The following RTCB variants were observed in gnomAD, a reference collection of about 807,000 sequenced individuals.
RTCB encodes RNA 2',3'-cyclic phosphate and 5'-OH ligase.
RTCB carries 32 observed loss-of-function variants against 58.2 expected under a neutral mutation model. The ratio of observed to expected loss-of-function variants is 0.55; its 90% confidence interval spans 0.41 to 0.74. The LOEUF is 0.74. Ranked by LOEUF, RTCB falls within the 30% of genes least tolerant of loss-of-function variation. The pLI is 0.00. For missense variants in RTCB, 523 were observed against 639.0 expected (o/e 0.82, Z 1.96); for synonymous variants, 247 against 218.6 (o/e 1.13, Z -1.15).
chr22:32,388,559 A>G (rs562318191), intron 11 of RTCB, among the ~76,000 whole-genome samples: 1 of 152,326 alleles, frequency 6.6e-6, no homozygotes, highest in South Asian at 2.1e-4. Context: ...TAAAATTCAT[A>G]TATGTATAAA....
chr22:32,388,029 GCTTT>G lies in RTCB; in HGVS notation c.1477_1480del (p.Lys493ProfsTer4). ...CACAGCAATTGGTCTCAGTTTAATG[GCTTT>G]CTTGCTGATTCCAGCATCATGGCAG... On this transcript the variant is annotated frameshift_variant, in exon 12 of 12. Transcript: ENST00000216038. LOFTEE classifies it high-confidence loss of function. 1 of 1,613,988 alleles carries G rather than the reference GCTTT, an allele frequency of 6.2e-7. No homozygotes were observed. The highest frequency in any genetic ancestry group is 1.1e-5 in the South Asian group (1 of 91,088).
chr22:32,391,489 G>A (rs536456298), intron 11 of RTCB, among the ~76,000 whole-genome samples: 93 of 150,476 alleles, frequency 6.2e-4, no homozygotes, highest in South Asian at 6.1e-3. Flanking sequence ...TCTGCCTCCC[G>A]GATTCAAGTG....
At chr22:32,402,865 C>A (rs1933361152) in intron 4 of RTCB, among the ~76,000 whole-genome samples, 1 of 152,150 alleles carries the variant, frequency 6.6e-6, no homozygotes, top group Non-Finnish European at 1.5e-5. Flanking sequence ...TCACCTCAGT[C>A]TCCTGAGTAG....
At position 32,388,091 on chromosome 22, in the gene RTCB, C is replaced by T. The variant is rs753991440; in HGVS notation, c.1419G>A (p.Glu473=). Residue 473 remains glutamate, a synonymous_variant, in exon 12 of 12, where the codon GAG becomes GAA. Coordinates refer to ENST00000216038, the MANE Select transcript of RTCB (RefSeq NM_014306.5). ...SPKLVMEEAP[E]SYKNVTDVVN... ...CCACATCTGTCACATTCTTATAGGA[C>T]TCAGGAGCCTGCAGGAGAGGAATTT... 3 of 1,607,320 alleles carry T rather than the reference C, an allele frequency of 1.9e-6. No individual in the cohort carries two copies. The highest frequency in any genetic ancestry group is 2.2e-5 in the South Asian group (2 of 90,882).
At chr22:32,404,354 T>C (rs542594949) in intron 4 of RTCB, among the ~76,000 whole-genome samples, 3 of 152,378 alleles carry the variant, frequency 2.0e-5, no homozygotes, top group East Asian at 3.9e-4. Context: ...ATTAGTTATT[T>C]TCTCATTTCC....
In RTCB at chr22:32,406,661, C is replaced by A; in HGVS notation, c.340+1G>T. The A allele has an allele frequency of 5.6e-6, 9 of 1,602,300 alleles. No homozygotes were observed. The highest frequency in any genetic ancestry group is 7.7e-6 in the Non-Finnish European group (9 of 1,169,818). ...ACAGCAGATGTCCACAGTGATCTTA[C>A]CTGGGGATACTACTGCTTCAGGGTC... On this transcript the variant is annotated splice_donor_variant, in intron 4 of 11. Coordinates refer to ENST00000216038, the MANE Select transcript of RTCB (RefSeq NM_014306.5). LOFTEE classifies it high-confidence loss of function.
At position 32,408,918 on chromosome 22, in the gene RTCB, T is replaced by C. The variant is rs7290295; in HGVS notation, c.94-85A>G. On this transcript the variant is annotated intron_variant, in intron 1 of 11. Transcript: ENST00000216038. Reference sequence around the variant, plus strand: ...GGACAGAATGCACTGTATGCAATATTTACTGTGCTTTACTCTTTACCAAAC... The same window carrying C: ...GGACAGAATGCACTGTATGCAATATCTACTGTGCTTTACTCTTTACCAAAC... The C allele has an allele frequency of 0.01, 9,049 of 898,064 alleles. 446 individuals carry two copies. In the African/African-American group the frequency reaches 0.12, roughly 12 times the overall value. The allele number at this position is 898,064 out of a possible 1,614,324, so 55.6% of individuals were successfully genotyped here. A position where few individuals can be genotyped will look rare whatever the true frequency, so the allele number is the denominator to read the frequency against.
intron 3 of RTCB, 37 bp from the exon 4 acceptor site, chr22:32,406,798 G>T: frequency 7.0e-7 from 1 of 1,437,332 alleles, no homozygotes. Context: ...CAAGTGTCTT[G>T]ACCTGCTACC....
chr22:32,393,911 C>A lies in RTCB; in HGVS notation c.1271G>T (p.Gly424Val). 1.2e-6 allele frequency: 2 copies of A among 1,613,346 alleles called. No individual in the cohort carries two copies. Among genetic ancestry groups the A allele is most frequent in the South Asian group, 1.1e-5 (1 of 91,046 alleles). The change falls in exon 10 of 12, where the codon GGA becomes GTA. Residue 424 changes from glycine to valine, a missense_variant. Transcript: ENST00000216038. ...GTEQGMTETFGTTCHGAGRAL... is the reference protein window; with the variant it reads ...GTEQGMTETFVTTCHGAGRAL... ...CCTTACCGCTCCATGACAGGTTGTTCCAAAGGTCTCAGTCATGCCCTGTTC... is the reference window on the plus strand; with the variant it reads ...CCTTACCGCTCCATGACAGGTTGTTACAAAGGTCTCAGTCATGCCCTGTTC...
intron 4 of RTCB, among the ~76,000 whole-genome samples, 194 bp from the exon 5 acceptor site, chr22:32,402,097 G>A (rs1448226745): frequency 6.6e-6 from 1 of 152,114 alleles, no homozygotes; most frequent in Non-Finnish European, 1.5e-5. Flanking sequence ...ACACACTAAA[G>A]GCACTTTATG....
intron 10 of RTCB, among the ~76,000 whole-genome samples, chr22:32,393,491 C>T (rs561072127): frequency 6.6e-6 from 1 of 152,030 alleles, no homozygotes; most frequent in Non-Finnish European, 1.5e-5. Context: ...TCCTTCCAAT[C>T]TTGCGTGGAC....
rs537641675 is a variant in RTCB, at chr22:32,394,341, G to A, written c.1180-339C>T. On this transcript the variant is annotated intron_variant, in intron 9 of 11. Transcript: ENST00000216038. ...TTAGCCAGGATGGTCTCGATCTCCC[G>A]AACTCGTGATTTGCCCGCCTTGGCC... Among the ~76,000 whole-genome samples, 42 of 152,154 alleles carry A rather than the reference G, an allele frequency of 2.8e-4. 1 individual carries two copies. The South Asian group carries it at 8.3e-3, about 30-fold the overall frequency.
At position 32,388,061 on chromosome 22, in the gene RTCB, A is replaced by G; in HGVS notation, c.1449T>C (p.Asn483=). 2 of 1,613,922 alleles carry G rather than the reference A, an allele frequency of 1.2e-6. No homozygotes were observed. The highest frequency in any genetic ancestry group is 1.7e-6 in the Non-Finnish European group (2 of 1,179,820). The change falls in exon 12 of 12, where the codon AAT becomes AAC. Residue 483 remains asparagine, a synonymous_variant. Transcript: ENST00000216038. The part of the protein sequence containing the change: ...ESYKNVTDVV[N]TCHDAGISKK... ...TGCTGATTCCAGCATCATGGCAGGT[A>G]TTTACCACATCTGTCACATTCTTAT... is the stretch of plus-strand genomic sequence containing the variant.
intron 11 of RTCB, 33 bp downstream of exon 11, chr22:32,392,207 A>G (rs1178094193): frequency 6.3e-7 from 1 of 1,588,966 alleles, no homozygotes; most frequent in South Asian, 1.1e-5. Flanking sequence ...GGGGAACAAT[A>G]AATATTCATG....
chr22:32,399,193 C>T (rs559024413), intron 6 of RTCB, among the ~76,000 whole-genome samples: 2 of 152,122 alleles, frequency 1.3e-5, no homozygotes, highest in African/African-American at 4.8e-5. Context: ...CTGGAGTGCA[C>T]TGGCGTGATC....
At chr22:32,400,793 G>C (rs1447834642) in intron 5 of RTCB, among the ~76,000 whole-genome samples, 1 of 152,088 alleles carries the variant, frequency 6.6e-6, no homozygotes, top group African/African-American at 2.4e-5. Flanking sequence ...TAAATTTGAA[G>C]GATAAAGCAA....
intron 4 of RTCB, 75 bp from the exon 5 acceptor site, chr22:32,401,978 A>C: frequency 1.4e-6 from 2 of 1,398,012 alleles, no homozygotes; most frequent in Non-Finnish European, 2.0e-6. Context: ...ATTAATATGG[A>C]ACTATAAAGA....
At chr22:32,410,008 G>A (rs931749725) in intron 1 of RTCB, among the ~76,000 whole-genome samples, 1 of 152,008 alleles carries the variant, frequency 6.6e-6, no homozygotes, top group East Asian at 1.9e-4. Context: ...TAGTAGAGAC[G>A]AAGTTTCACG....
At chr22:32,388,736 G>C (rs1484028930) in intron 11 of RTCB, among the ~76,000 whole-genome samples, 2 of 151,984 alleles carry the variant, frequency 1.3e-5, no homozygotes, top group African/African-American at 2.4e-5. Context: ...CTTCATTCCT[G>C]TCAATACAAG....
Sources: allele counts gnomAD v4.1 joint callset (sites outside exome capture counted in the v4.1 genomes callset), GRCh38; gene constraint gnomAD v4.1.1; transcripts MANE v1.5; gene names NCBI Gene and HGNC (gene_info 2026-07-23, HGNC 2026-07-21).